Variants in ITSN2 observed in about 807,000 individuals in gnomAD.
ITSN2 encodes the protein intersectin 2, also known as intersectin-2.
Under a neutral mutation model 243.7 loss-of-function variants are expected in ITSN2, and 156 were observed. That is an observed-to-expected ratio of 0.64 (90% CI 0.56 to 0.73). The LOEUF (loss-of-function observed/expected upper bound fraction) is 0.73, where lower values mean the gene tolerates loss of function less well. Ranked by LOEUF, ITSN2 falls within the 30% of genes least tolerant of loss-of-function variation. The pLI is 0.00. For missense variants in ITSN2, 1,801 were observed against 1,996.1 expected (o/e 0.90, Z 1.86); for synonymous variants, 703 against 699.9 (o/e 1.00, Z -0.07).
chr2:24,358,641 A>G (rs948693698), intron 1 of ITSN2, among the ~76,000 whole-genome samples: 3 of 152,206 alleles, frequency 2.0e-5, no homozygotes, highest in African/African-American at 7.2e-5. Flanking sequence ...TACTAACTAC[A>G]TAAGGTTAAA....
chr2:24,325,940 C>A (rs971211662), intron 2 of ITSN2, among the ~76,000 whole-genome samples: 1 of 151,814 alleles, frequency 6.6e-6, no homozygotes, highest in Non-Finnish European at 1.5e-5. Context: ...CACACACACA[C>A]ATACACACAC....
chr2:24,317,706 G>A (rs904106647), intron 2 of ITSN2, among the ~76,000 whole-genome samples: 9 of 152,326 alleles, frequency 5.9e-5, no homozygotes, highest in Admixed American at 4.6e-4. Flanking sequence ...TAATTGAATT[G>A]TCTGTGTCAC....
At chr2:24,259,572 C>T (rs748185156) in intron 22 of ITSN2, among the ~76,000 whole-genome samples, 7 of 152,206 alleles carry the variant, frequency 4.6e-5, no homozygotes, top group Admixed American at 2.0e-4. Flanking sequence ...TCTCCAACTT[C>T]GCTTAACCCT....
intron 33 of ITSN2, among the ~76,000 whole-genome samples, chr2:24,212,445 A>G (rs1354878818): frequency 6.6e-6 from 1 of 152,072 alleles, no homozygotes; most frequent in Non-Finnish European, 1.5e-5. Context: ...TTCCTCTCTG[A>G]TTTGCCCACT....
chr2:24,301,360 A>C (rs1681708390), intron 10 of ITSN2, 121 bp from the exon 11 acceptor site: 1 of 526,802 alleles, frequency 1.9e-6, no homozygotes, highest in African/African-American at 1.9e-5. Context: ...AGATATTTAA[A>C]ACAGTTTGGT....
intron 1 of ITSN2, among the ~76,000 whole-genome samples, chr2:24,353,850 A>G (rs1688227434): frequency 6.6e-6 from 1 of 152,224 alleles, no homozygotes; most frequent in Non-Finnish European, 1.5e-5. Flanking sequence ...TAATCATTGA[A>G]AAAAACTAAA....
chr2:24,342,868 T>C lies in ITSN2; in HGVS notation c.-33-14753A>G, dbSNP rs1484410904. ...CACTTGGGAGGCCGAGGCAAGTGGA[T>C]CACCTTGAGCTCAGGAGTTCAAGAC... On this transcript the variant is annotated intron_variant, in intron 1 of 39. Transcript: ENST00000355123. Among the ~76,000 whole-genome samples the C allele has an allele frequency of 2.6e-5, 4 of 151,846 alleles. No individual in the cohort carries two copies. The East Asian group carries it at 7.8e-4, about 29-fold the overall frequency.
Position 24,204,153 on chromosome 2 carries a change from G to T in ITSN2, c.4936+92C>A, listed in dbSNP as rs559418509. ...CTGTGTCACTTCCCTGAAGTGGCAT[G>T]GGGTCTGCACACAGCTGAAGCCCCT... is the stretch of plus-strand genomic sequence containing the variant. On this transcript the variant is annotated intron_variant, in intron 39 of 39. Coordinates refer to ENST00000355123, the MANE Select transcript of ITSN2 (RefSeq NM_006277.3). The surrounding 1 kb of genome is among the most constrained non-coding windows in gnomAD (Gnocchi z 5.1). 8.0e-7 allele frequency: 1 copy of T among 1,257,614 alleles called. No homozygotes were observed. The highest frequency in any genetic ancestry group is 1.9e-5 in the Admixed American group (1 of 52,256). 77.9% of individuals were successfully genotyped at this position (1,257,614 alleles called of 1,614,324 possible). A position where few individuals can be genotyped will look rare whatever the true frequency, so the allele number is the denominator to read the frequency against.
At chr2:24,239,810 T>C (rs1295322931) in intron 29 of ITSN2, 1 of 152,138 alleles carries the variant, frequency 6.6e-6, no homozygotes, top group African/African-American at 2.4e-5. Flanking sequence ...TTATGTCATA[T>C]GATTTCCATT....
At chr2:24,346,391 A>G (rs1238822105) in intron 1 of ITSN2, among the ~76,000 whole-genome samples, 1 of 152,202 alleles carries the variant, frequency 6.6e-6, no homozygotes, top group Non-Finnish European at 1.5e-5. Flanking sequence ...ATCTCCTACA[A>G]TATCTGTCCA....
chr2:24,324,170 T>C (rs1314172958), intron 2 of ITSN2, among the ~76,000 whole-genome samples: 1 of 152,102 alleles, frequency 6.6e-6, no homozygotes, highest in African/African-American at 2.4e-5. Flanking sequence ...AGGCGGAGCT[T>C]GCAGTGAGCA....
At chr2:24,339,588 G>T (rs1686824850) in intron 1 of ITSN2, among the ~76,000 whole-genome samples, 1 of 152,122 alleles carries the variant, frequency 6.6e-6, no homozygotes, top group African/African-American at 2.4e-5. Flanking sequence ...AGGAAAGAGG[G>T]AAGGTTGGAA....
intron 2 of ITSN2, among the ~76,000 whole-genome samples, chr2:24,323,530 G>C (rs757025867): frequency 6.6e-6 from 1 of 152,316 alleles, no homozygotes; most frequent in African/African-American, 2.4e-5. Context: ...AGGCAGAACT[G>C]TAAGGACAGA....
At chr2:24,327,454 A>G (rs1685280519) in intron 2 of ITSN2, among the ~76,000 whole-genome samples, 1 of 151,734 alleles carries the variant, frequency 6.6e-6, no homozygotes, top group South Asian at 2.1e-4. Flanking sequence ...GCCCATGACC[A>G]CACTCGGCTA....
Position 24,264,697 on chromosome 2 carries a change from T to TACACACAC in ITSN2, c.2356-2963_2356-2956dup, listed in dbSNP as rs55826835. Among the ~76,000 whole-genome samples, 378 of 49,882 alleles carry TACACACAC rather than the reference T, an allele frequency of 7.6e-3. 16 individuals carry two copies. The highest frequency in any genetic ancestry group is 0.02 in the South Asian group (37 of 1,886). The allele number at this position is 49,882 out of a possible 152,430, so 32.7% of individuals were successfully genotyped here. A position where few individuals can be genotyped will look rare whatever the true frequency, so the allele number is the denominator to read the frequency against. The stretch of plus-strand genomic sequence containing the variant: ...ACCTCTGTCGAAAATCTGTTGTTTA[T>TACACACAC]ACACACACACACACACACACACACA... On this transcript the variant is annotated intron_variant, in intron 20 of 39. Transcript: ENST00000355123.
At chr2:24,286,868 A>C (rs982954389) in intron 15 of ITSN2, among the ~76,000 whole-genome samples, 1 of 152,204 alleles carries the variant, frequency 6.6e-6, no homozygotes, top group Non-Finnish European at 1.5e-5. Flanking sequence ...GTAAGAACAG[A>C]AGGTTTCATT....
At chr2:24,257,841 G>T in intron 23 of ITSN2, 47 bp downstream of exon 23, 1 of 1,413,094 alleles carries the variant, frequency 7.1e-7, no homozygotes, top group Non-Finnish European at 1.0e-6. Flanking sequence ...ACTCATTAGT[G>T]AAAATACCAA....
At chr2:24,314,051 AC>A (rs1683610155) in intron 3 of ITSN2, among the ~76,000 whole-genome samples, 1 of 152,206 alleles carries the variant, frequency 6.6e-6, no homozygotes, top group Admixed American at 6.5e-5. Context: ...AACTTGCTTT[AC>A]TGCTTGCTAC....
intron 1 of ITSN2, among the ~76,000 whole-genome samples, chr2:24,350,651 ATAT>A (rs1383393211): frequency 6.6e-5 from 10 of 152,238 alleles, no homozygotes; most frequent in African/African-American, 2.4e-4. Context: ...AATCCATAAA[ATAT>A]TATTTGGCCA....
Sources: gnomAD v4.1 joint callset for allele counts (sites outside exome capture counted in the v4.1 genomes callset) on GRCh38, gnomAD v4.1.1 for gene constraint, Gnocchi (gnomAD v3.1) non-coding constraint, MANE v1.5 for transcripts, NCBI Gene and HGNC (gene_info 2026-07-23, HGNC 2026-07-21) for gene names.